Variants in NCKAP5 observed in about 807,000 individuals in gnomAD.
The protein encoded by NCKAP5 is NCK associated protein 5.
NCKAP5 carries 92 observed loss-of-function variants against 167.0 expected under a neutral mutation model. The observed-to-expected ratio is 0.55, with a 90% CI of 0.47 to 0.66. The LOEUF is 0.66. NCKAP5 is among the 30% of genes least tolerant of loss of function. The probability of loss-of-function intolerance (pLI) is 0.00; values close to 1 mark genes in which losing one functional copy is unlikely to be tolerated. For missense variants in NCKAP5, 2,378 were observed against 2,315.0 expected (o/e 1.03, Z -0.56); for synonymous variants, 891 against 877.4 (o/e 1.02, Z -0.27).
At chr2:132,773,923 C>A (rs1226283840) in intron 15 of NCKAP5, 29 bp from the exon 16 acceptor site, 1 of 1,579,984 alleles carries the variant, frequency 6.3e-7, no homozygotes, top group Admixed American at 1.8e-5. Context: ...GATGCAAGTT[C>A]TTATTTGTTT....
At chr2:132,970,895 C>A (rs1052154250) in intron 7 of NCKAP5, among the ~76,000 whole-genome samples, 1 of 152,210 alleles carries the variant, frequency 6.6e-6, no homozygotes, top group Admixed American at 6.5e-5. Context: ...AGTCTATACC[C>A]TTCCCCAAAA....
chr2:133,071,132 A>G (rs2080379502), intron 6 of NCKAP5, among the ~76,000 whole-genome samples: 1 of 152,230 alleles, frequency 6.6e-6, no homozygotes, highest in Admixed American at 6.5e-5. Context: ...GGAAGCTTCA[A>G]CTATAGACCA....
chr2:133,159,295 C>A (rs1275870341), intron 5 of NCKAP5, among the ~76,000 whole-genome samples: 2 of 152,146 alleles, frequency 1.3e-5, no homozygotes, highest in African/African-American at 4.8e-5. Flanking sequence ...TTCAGGGAAC[C>A]AGATTCTGCC....
intron 6 of NCKAP5, among the ~76,000 whole-genome samples, chr2:132,999,636 A>G (rs1348653502): frequency 6.6e-6 from 1 of 152,174 alleles, no homozygotes; most frequent in East Asian, 1.9e-4. Flanking sequence ...GAAGACCTGG[A>G]CTTATTCAAT....
chr2:132,841,209 A>G (rs1338442543), intron 11 of NCKAP5, among the ~76,000 whole-genome samples: 1 of 150,806 alleles, frequency 6.6e-6, no homozygotes, highest in Non-Finnish European at 1.5e-5. Context: ...CCATGTTAAA[A>G]TAATTTAATA....
chr2:133,193,467 C>G (rs1051231183), intron 5 of NCKAP5, among the ~76,000 whole-genome samples: 1 of 152,076 alleles, frequency 6.6e-6, no homozygotes, highest in Non-Finnish European at 1.5e-5. Context: ...CAGTAGTTAT[C>G]TAGCAATGAA....
intron 3 of NCKAP5, chr2:133,433,764 A>T (rs1478582392): frequency 6.6e-6 from 1 of 152,234 alleles, no homozygotes; most frequent in African/African-American, 2.4e-5. Flanking sequence ...ATTAAGGCCA[A>T]AGAAACCTTT....
Position 133,299,445 on chromosome 2 carries a change from G to C in NCKAP5, c.143+3592C>G, listed in dbSNP as rs187571546. 3.9e-3 allele frequency among the ~76,000 whole-genome samples: 598 copies of C among 152,116 alleles called. 9 individuals carry two copies. The highest frequency in any genetic ancestry group is 0.021 in the South Asian group (103 of 4,806). On this transcript the variant is annotated intron_variant, in intron 4 of 19. Transcript: ENST00000409261. ...GAGAGCACTCTCCCCATGCCGCAAG[G>C]AGATGAAAAGAAATAAAGGGGCCGG...
chr2:133,115,962 T>C (rs1425767334), intron 6 of NCKAP5, among the ~76,000 whole-genome samples: 1 of 151,548 alleles, frequency 6.6e-6, no homozygotes, highest in Non-Finnish European at 1.5e-5. Context: ...AAATATTTTT[T>C]GTAAAGTAGT....
chr2:133,638,200 G>GA, the NCKAP5 span, among the ~76,000 whole-genome samples: 1 of 152,084 alleles, frequency 6.6e-6, no homozygotes, highest in Non-Finnish European at 1.5e-5. Context: ...TAGAAAGTCT[G>GA]AAAAAATTGG....
chr2:132,879,001 A>G, intron 8 of NCKAP5, 85 bp from the exon 9 acceptor site: 1 of 1,032,642 alleles, frequency 9.7e-7, no homozygotes, highest in Non-Finnish European at 1.5e-6. Flanking sequence ...TACTAAATAT[A>G]TCTCCTCGTG....
At chr2:133,219,486 T>C (rs2086567646) in intron 4 of NCKAP5, among the ~76,000 whole-genome samples, 1 of 152,186 alleles carries the variant, frequency 6.6e-6, no homozygotes. Flanking sequence ...TTCAGGGGCC[T>C]CCCATGGAGT....
At chr2:133,115,345 A>G (rs1253406849) in intron 6 of NCKAP5, among the ~76,000 whole-genome samples, 1 of 152,174 alleles carries the variant, frequency 6.6e-6, no homozygotes, top group East Asian at 1.9e-4. Flanking sequence ...ACTAAAAGCA[A>G]CGATATTTTG....
Position 133,178,601 on chromosome 2 carries a change from G to A in NCKAP5, c.207+35115C>T, listed in dbSNP as rs184191344. On this transcript the variant is annotated intron_variant, in intron 5 of 19. Coordinates refer to ENST00000409261, the MANE Select transcript of NCKAP5 (RefSeq NM_207363.3). ...AGAACTTTGGGAGGCCGATGCGGGC[G>A]GATCACGAGGTCAGAAGATTGAGAC... Among the ~76,000 whole-genome samples, 838 of 149,642 alleles carry A rather than the reference G, an allele frequency of 5.6e-3. 6 individuals carry two copies. The highest frequency in any genetic ancestry group is 9.4e-3 in the Non-Finnish European group (639 of 67,644).
chr2:133,124,388 G>A (rs963467827), intron 6 of NCKAP5, among the ~76,000 whole-genome samples: 1 of 152,158 alleles, frequency 6.6e-6, no homozygotes, highest in African/African-American at 2.4e-5. Context: ...GGTTTGCTAA[G>A]AATGTTTACA....
intron 6 of NCKAP5, chr2:133,123,543 G>T (rs2082313197): frequency 3.9e-6 from 1 of 255,514 alleles, no homozygotes; most frequent in African/African-American, 2.2e-5. Context: ...GCAGATGAGA[G>T]GCCCCAATTT....
intron 5 of NCKAP5, among the ~76,000 whole-genome samples, chr2:133,151,677 T>C (rs183133970): frequency 2.5e-4 from 38 of 152,326 alleles, no homozygotes; most frequent in Middle Eastern, 3.4e-3. Flanking sequence ...AGTGAAAGTA[T>C]AAAATGGTAC....
chr2:133,311,598 C>T (rs1202924755), intron 3 of NCKAP5, among the ~76,000 whole-genome samples: 23 of 152,138 alleles, frequency 1.5e-4, no homozygotes, highest in Admixed American at 1.5e-3. Context: ...GGCAACCAGC[C>T]CCCATCCTGA....
In NCKAP5 at chr2:133,517,498, C is replaced by A; in HGVS notation, c.29G>T (p.Arg10Met). The change falls in exon 3 of 20, where the codon AGG becomes ATG. Residue 10 changes from arginine (R) to methionine (M), a missense_variant. Around this residue, in one of 3 missense-constraint regions of NCKAP5, gnomAD observed 1,049 missense variants for 1,023.4 expected, o/e 1.02. Transcript: ENST00000409261. Reference sequence around the variant, plus strand: ...TAGAGACAGCCTTTTTCCAAAGTCCCTTTTCTCAAGCTGTCTCTTTCCCTC... The same window carrying A: ...TAGAGACAGCCTTTTTCCAAAGTCCATTTTCTCAAGCTGTCTCTTTCCCTC... MEGKRQLEK[R>M]DFGKRLSLDS... 6.5e-7 allele frequency: 1 copy of A among 1,537,970 alleles called. No individual in the cohort carries two copies. The highest frequency in any genetic ancestry group is 8.8e-7 in the Non-Finnish European group (1 of 1,138,680).
Sources: gnomAD v4.1 joint callset for allele counts (sites outside exome capture counted in the v4.1 genomes callset) on GRCh38, gnomAD v4.1.1 for gene constraint, gnomAD v4.1.1 regional missense constraint, MANE v1.5 for transcripts, NCBI Gene and HGNC (gene_info 2026-07-23, HGNC 2026-07-21) for gene names.